The following ANK3 variants were observed in gnomAD, a reference collection of about 807,000 sequenced individuals.
ANK3 encodes ankyrin 3, also known as ankyrin-3.
Under a neutral mutation model 370.9 loss-of-function variants are expected in ANK3, and 57 were observed. That is an observed-to-expected ratio of 0.15 (90% confidence interval 0.12 to 0.19). ANK3 has a LOEUF of 0.19. Among genes scored for constraint, ANK3 ranks in the 10% least tolerant of loss-of-function variants. ANK3 has a pLI of 1.00. For missense variants in ANK3, 4,439 were observed against 5,302.1 expected (o/e 0.84, Z 5.06); for synonymous variants, 1,929 against 1,946.3 (o/e 0.99, Z 0.23).
intron 2 of ANK3, among the ~76,000 whole-genome samples, chr10:60,477,326 T>C (rs1190003774): frequency 6.6e-6 from 1 of 152,080 alleles, no homozygotes; most frequent in African/African-American, 2.4e-5. Flanking sequence ...AACAAGATCT[T>C]GCAAGTCCAA....
chr10:60,300,136 C>A (rs868257040), intron 1 of ANK3, among the ~76,000 whole-genome samples: 7 of 152,096 alleles, frequency 4.6e-5, no homozygotes, highest in Non-Finnish European at 7.4e-5. Flanking sequence ...GAGTCCGGAT[C>A]GGAACAAAAC....
chr10:60,620,068 C>T (rs1258897438), intron 1 of ANK3, among the ~76,000 whole-genome samples: 1 of 152,166 alleles, frequency 6.6e-6, no homozygotes, highest in African/African-American at 2.4e-5. Flanking sequence ...AATATTACTA[C>T]AAATGCTAAA....
At chr10:60,543,982 A>T (rs2076907812) in intron 2 of ANK3, among the ~76,000 whole-genome samples, 1 of 152,054 alleles carries the variant, frequency 6.6e-6, no homozygotes, top group Admixed American at 6.6e-5. Flanking sequence ...TCCTTTCAAT[A>T]AGAATGTAAA....
chr10:60,659,274 A>G (rs1282714134), intron 1 of ANK3, among the ~76,000 whole-genome samples: 2 of 152,130 alleles, frequency 1.3e-5, no homozygotes. Context: ...TGACATAATT[A>G]TGGCAGGGAA....
At chr10:60,597,207 ATTTAGCCAGAG>A (rs2077999845) in intron 2 of ANK3, among the ~76,000 whole-genome samples, 3 of 152,152 alleles carry the variant, frequency 2.0e-5, no homozygotes, top group African/African-American at 7.2e-5. Flanking sequence ...GTCTATCAAT[ATTTAGCCAGAG>A]GAATCCCTAT....
rs72822235 is a variant in ANK3, at chr10:60,293,701, G to A, written c.115-14062C>T. Among the ~76,000 whole-genome samples the A allele has an allele frequency of 5.3e-3, 805 of 152,218 alleles. 4 individuals carry two copies. Among genetic ancestry groups the A allele is most frequent in the South Asian group, 0.01 (49 of 4,818 alleles). On this transcript the variant is annotated intron_variant, in intron 1 of 43. Transcript: ENST00000280772. ...TGTCCCATTAAACATAAAATGAAAC[G>A]AGATAGTATTATGCAGTTAAAATCT... is the stretch of plus-strand genomic sequence containing the variant.
chr10:60,721,392 G>C (rs144670197), intron 1 of ANK3, among the ~76,000 whole-genome samples: 42 of 152,334 alleles, frequency 2.8e-4, no homozygotes, highest in African/African-American at 9.9e-4. Context: ...AATAAGTATA[G>C]CATGGTCACA....
chr10:60,143,583 G>A (rs2094668372), intron 23 of ANK3, among the ~76,000 whole-genome samples: 1 of 152,176 alleles, frequency 6.6e-6, no homozygotes, highest in African/African-American at 2.4e-5. Flanking sequence ...TTGGTGCAGT[G>A]AAATAAGAGC....
At chr10:60,238,694 C>T (rs956408369) in intron 7 of ANK3, among the ~76,000 whole-genome samples, 1 of 151,986 alleles carries the variant, frequency 6.6e-6, no homozygotes, top group Non-Finnish European at 1.5e-5. Context: ...CAGACTCCAC[C>T]CCAAGCAGAA....
chr10:60,255,770 T>G (rs897082339), intron 7 of ANK3, among the ~76,000 whole-genome samples: 1 of 152,228 alleles, frequency 6.6e-6, no homozygotes, highest in Non-Finnish European at 1.5e-5. Context: ...CACTAGCTAT[T>G]GAGCACTTAA....
intron 7 of ANK3, among the ~76,000 whole-genome samples, chr10:60,235,826 A>G (rs991103843): frequency 6.6e-6 from 1 of 152,196 alleles, no homozygotes; most frequent in African/African-American, 2.4e-5. Context: ...ACAATATAGT[A>G]GCTATCAAGT....
intron 2 of ANK3, among the ~76,000 whole-genome samples, chr10:60,397,274 GATA>G (rs1219064395): frequency 2.0e-5 from 3 of 150,442 alleles, no homozygotes; most frequent in African/African-American, 7.3e-5. Context: ...CTAAAACTCA[GATA>G]ATAATTCTTT....
intron 2 of ANK3, among the ~76,000 whole-genome samples, chr10:60,403,664 T>G (rs2063396754): frequency 6.6e-6 from 1 of 152,186 alleles, no homozygotes; most frequent in Non-Finnish European, 1.5e-5. Context: ...CTCGGCTCAT[T>G]GCAAGCTCCA....
chr10:60,081,323 G>T (rs1244983435), intron 35 of ANK3, among the ~76,000 whole-genome samples: 1 of 152,144 alleles, frequency 6.6e-6, no homozygotes, highest in Non-Finnish European at 1.5e-5. Flanking sequence ...GACCTCAGGT[G>T]ATTCCCCCAC....
chr10:60,365,972 T>C (rs2132760135), intron 1 of ANK3, among the ~76,000 whole-genome samples: 1 of 152,286 alleles, frequency 6.6e-6, no homozygotes. Flanking sequence ...TTCACACACA[T>C]TTAATCTCTG....
intron 1 of ANK3, among the ~76,000 whole-genome samples, chr10:60,280,798 G>C (rs151172443): frequency 3.1e-4 from 47 of 152,296 alleles, no homozygotes; most frequent in African/African-American, 1.1e-3. Context: ...GCCTTCAAAG[G>C]CTTTGTTCAT....
At chr10:60,205,938 T>A (rs1207289111) in intron 10 of ANK3, 48 bp from the exon 11 acceptor site, 1 of 1,261,798 alleles carries the variant, frequency 7.9e-7, no homozygotes, top group Admixed American at 1.7e-5. Context: ...TCCATCAAAA[T>A]CCAGTTTCAC....
intron 8 of ANK3, among the ~76,000 whole-genome samples, chr10:60,220,526 T>G (rs896753465): frequency 2.0e-5 from 3 of 152,208 alleles, no homozygotes; most frequent in African/African-American, 4.8e-5. Context: ...AACTGCATGA[T>G]AAAACCTTGG....
At chr10:60,618,286 T>C (rs1365368786) in intron 1 of ANK3, among the ~76,000 whole-genome samples, 2 of 152,220 alleles carry the variant, frequency 1.3e-5, no homozygotes, top group Non-Finnish European at 2.9e-5. Flanking sequence ...AATTGTTGTT[T>C]AGACCTTATA....
Sources: gnomAD v4.1 joint callset for allele counts (sites outside exome capture counted in the v4.1 genomes callset) on GRCh38, gnomAD v4.1.1 for gene constraint, MANE v1.5 for transcripts, NCBI Gene and HGNC (gene_info 2026-07-23, HGNC 2026-07-21) for gene names.